EIF2AK4: variants seen among roughly 807,000 people sequenced by gnomAD.
EIF2AK4 encodes eukaryotic translation initiation factor 2 alpha kinase 4, also known as eIF-2-alpha kinase GCN2.
A neutral mutation model predicts 211.1 loss-of-function variants in EIF2AK4; 139 were observed. That is an observed-to-expected ratio of 0.66 (90% confidence interval 0.57 to 0.76). The LOEUF (loss-of-function observed/expected upper bound fraction) is 0.76. EIF2AK4 is among the 30% of genes least tolerant of loss of function. EIF2AK4 has a pLI of 0.00. For synonymous variants in EIF2AK4, 710 were observed against 751.3 expected (o/e 0.94, Z 0.90); for missense variants, 1,664 against 2,043.8 (o/e 0.81, Z 3.58).
intron 11 of EIF2AK4, chr15:39,974,121 C>T (rs2034662118): frequency 6.4e-6 from 1 of 157,144 alleles, no homozygotes; most frequent in Admixed American, 6.4e-5. Context: ...TAAAAAGGTT[C>T]TAAGGTTAGA....
chr15:39,989,098 G>T (rs888093412), intron 15 of EIF2AK4, among the ~76,000 whole-genome samples: 3 of 152,190 alleles, frequency 2.0e-5, no homozygotes, highest in Non-Finnish European at 4.4e-5. Flanking sequence ...GGAACACGGG[G>T]AAACCAGAAG....
intron 23 of EIF2AK4, among the ~76,000 whole-genome samples, chr15:40,006,225 T>C (rs1227483171): frequency 6.6e-6 from 1 of 152,216 alleles, no homozygotes; most frequent in Non-Finnish European, 1.5e-5. Flanking sequence ...CACTTCTGTT[T>C]TTCTTTTATA....
chr15:40,002,267 C>T (rs1269739487), intron 21 of EIF2AK4: 2 of 152,936 alleles, frequency 1.3e-5, no homozygotes, highest in Non-Finnish European at 2.9e-5. Flanking sequence ...TTTTATAATA[C>T]AAAAACAAAT....
chr15:39,934,445 A>G, intron 1 of EIF2AK4, 106 bp downstream of exon 1: 8 of 1,429,916 alleles, frequency 5.6e-6, no homozygotes, highest in Non-Finnish European at 5.6e-6. Context: ...AGGATCCTGC[A>G]GTCTTTTCAT....
chr15:39,943,415 G>A lies in EIF2AK4; in HGVS notation c.290G>A (p.Gly97Asp), dbSNP rs770205298. ...VPEIELKNAK[G>D]LSNESVNLLK... ...GAAATAGAGTTAAAAAATGCCAAAG[G>A]TCTATCAAATGAAAGTGTCAATTTG... The change falls in exon 3 of 39, where the codon GGT becomes GAT. Residue 97 changes from glycine (G) to aspartate (D), a missense_variant. Coordinates refer to ENST00000263791, the MANE Select transcript of EIF2AK4 (RefSeq NM_001013703.4). 6.4e-7 allele frequency: 1 copy of A among 1,566,968 alleles called. No homozygotes were observed. Among genetic ancestry groups the A allele is most frequent in the Non-Finnish European group, 8.6e-7 (1 of 1,163,344 alleles).
intron 17 of EIF2AK4, 96 bp downstream of exon 17, chr15:39,992,325 C>A: frequency 2.0e-6 from 2 of 1,024,390 alleles, no homozygotes; most frequent in Non-Finnish European, 2.8e-6. Context: ...TTTTATTCTA[C>A]GGCAGATTTT....
chr15:39,958,851 A>G (rs1260032145), intron 6 of EIF2AK4, among the ~76,000 whole-genome samples: 1 of 152,062 alleles, frequency 6.6e-6, no homozygotes, highest in Non-Finnish European at 1.5e-5. Flanking sequence ...TGGTAGCCCA[A>G]TTCTCTAGTC....
chr15:39,944,533 G>A (rs1413921104), intron 3 of EIF2AK4, among the ~76,000 whole-genome samples: 1 of 150,548 alleles, frequency 6.6e-6, no homozygotes, highest in Non-Finnish European at 1.5e-5. Flanking sequence ...CCGGGTTCGC[G>A]CCATTCTCCT....
At position 40,003,234 on chromosome 15, in the gene EIF2AK4, A is replaced by C. The variant is rs997637082; in HGVS notation, c.3277A>C (p.Arg1093=). ...TACTCCACTACTGCTTCCCCGAAAC[A>C]GACAAATATATGAGCACAACGAAGC... ...LCTPLLLPRN[R]QIYEHNEAAL... is the part of the protein sequence containing the mutation. Residue 1093 remains arginine, a synonymous_variant, in exon 23 of 39, where the codon AGA becomes CGA. Transcript: ENST00000263791. 9 of 1,614,088 alleles carry C rather than the reference A, an allele frequency of 5.6e-6. No homozygotes were observed. Among genetic ancestry groups the C allele is most frequent in the Middle Eastern group, 1.6e-4 (1 of 6,082 alleles).
intron 1 of EIF2AK4, among the ~76,000 whole-genome samples, chr15:39,935,570 A>G (rs1050885004): frequency 1.3e-5 from 2 of 151,984 alleles, no homozygotes; most frequent in East Asian, 3.9e-4. Context: ...AGCTCATGCA[A>G]TCCTCTCACC....
chr15:40,026,024 G>A lies in EIF2AK4; in HGVS notation c.4437G>A (p.Glu1479=). ...KERQTEKRVL[E]TELVDHVLQK... is the part of the protein sequence containing the mutation. The stretch of plus-strand genomic sequence containing the variant: ...GGCAGACAGAGAAGCGTGTGCTGGA[G>A]ACTGAACTTGTGGACCATGTACTGC... The change falls in exon 33 of 39, where the codon GAG becomes GAA. Residue 1479 remains glutamate (E), a synonymous_variant. Coordinates refer to ENST00000263791, the MANE Select transcript of EIF2AK4 (RefSeq NM_001013703.4). 1 of 1,614,192 alleles carries A rather than the reference G, an allele frequency of 6.2e-7. No individual in the cohort carries two copies. Among genetic ancestry groups the A allele is most frequent in the Non-Finnish European group, 8.5e-7 (1 of 1,180,040 alleles).
At chr15:40,027,330 G>A (rs984372539) in intron 33 of EIF2AK4, among the ~76,000 whole-genome samples, 3 of 152,206 alleles carry the variant, frequency 2.0e-5, no homozygotes, top group African/African-American at 7.2e-5. Context: ...GCACATTTAT[G>A]AGAGGATGAG....
rs186026165 is a variant in EIF2AK4, at chr15:39,985,879, A to G, written c.2394A>G (p.Leu798=). 2.6e-4 allele frequency: 419 copies of G among 1,613,892 alleles called. No homozygotes were observed. The African/African-American group carries it at 4.6e-3, about 18-fold the overall frequency. The change falls in exon 14 of 39, where the codon CTA becomes CTG. Residue 798 remains leucine (L), a synonymous_variant. Coordinates refer to ENST00000263791, the MANE Select transcript of EIF2AK4 (RefSeq NM_001013703.4). ...PSVTTEAVHY[L]YIQMEYCEKS... ...TGACGACTGAGGCTGTGCACTACCT[A>G]TACATCCAGGTGAGGTCGTGGTGTG...
chr15:39,978,231 G>T (rs1034920512), intron 13 of EIF2AK4, 84 bp downstream of exon 13: 6 of 660,914 alleles, frequency 9.1e-6, no homozygotes, highest in East Asian at 2.9e-5. Context: ...AAGTATTAAG[G>T]CTTTAATCTG....
At chr15:39,980,669 G>A (rs2034769111) in intron 13 of EIF2AK4, among the ~76,000 whole-genome samples, 1 of 152,124 alleles carries the variant, frequency 6.6e-6, no homozygotes, top group Non-Finnish European at 1.5e-5. Flanking sequence ...TACTATTGGG[G>A]ACTGAATGCA....
chr15:40,010,546 T>C (rs2035221266), intron 26 of EIF2AK4, among the ~76,000 whole-genome samples: 1 of 152,244 alleles, frequency 6.6e-6, no homozygotes, highest in Non-Finnish European at 1.5e-5. Context: ...TGAATGCTTA[T>C]GTTTTCTAAT....
intron 6 of EIF2AK4, among the ~76,000 whole-genome samples, chr15:39,959,237 C>T (rs938616572): frequency 5.3e-5 from 8 of 152,118 alleles, no homozygotes; most frequent in African/African-American, 9.7e-5. Flanking sequence ...GTACAGAAGT[C>T]GTTTTACTTA....
At position 40,035,227 on chromosome 15, in the gene EIF2AK4, T is replaced by C; in HGVS notation, c.*143T>C. ...GCTCACACCTTTAATCCCAGCACTT[T>C]GGGAAGCCAAGGCAGGAAGACTGCT... is the stretch of plus-strand genomic sequence containing the variant. On this transcript the variant is annotated 3_prime_UTR_variant, in exon 39 of 39. Transcript: ENST00000263791. 1 of 564,460 alleles carries C rather than the reference T, an allele frequency of 1.8e-6. No individual in the cohort carries two copies. The highest frequency in any genetic ancestry group is 2.8e-6 in the Non-Finnish European group (1 of 362,978). The allele number at this position is 564,460 out of a possible 1,614,324, so 35.0% of individuals were successfully genotyped here. A position where few individuals can be genotyped will look rare whatever the true frequency, so the allele number is the denominator to read the frequency against.
intron 6 of EIF2AK4, among the ~76,000 whole-genome samples, chr15:39,960,129 A>C (rs8042788): frequency 0.34 from 50,470 of 147,476 alleles, 8,626 homozygotes; most frequent in Middle Eastern, 0.37. Context: ...GCGCCACTGC[A>C]CTCCAGCCTG....
Sources: gnomAD v4.1 joint callset for allele counts (sites outside exome capture counted in the v4.1 genomes callset) on GRCh38, gnomAD v4.1.1 for gene constraint, MANE v1.5 for transcripts, NCBI Gene and HGNC (gene_info 2026-07-23, HGNC 2026-07-21) for gene names.